DMD: variants seen among roughly 807,000 people sequenced by gnomAD.
DMD encodes dystrophin, also known as mutant dystrophin.
Under a neutral mutation model 330.1 loss-of-function variants are expected in DMD, and 63 were observed. That is an observed-to-expected ratio of 0.19 (90% CI 0.16 to 0.24). The LOEUF (loss-of-function observed/expected upper bound fraction) is 0.24. DMD is among the 10% of genes least tolerant of loss of function. The pLI is 1.00. For missense variants in DMD, 3,344 were observed against 2,684.1 expected, an observed-to-expected ratio of 1.25 and a Z score of -5.43; for synonymous variants, 1,223 against 959.8, an observed-to-expected ratio of 1.27 and a Z score of -5.07.
chrX:32,563,715 T>A (rs1310777240), intron 16 of DMD, among the ~76,000 whole-genome samples: 1 of 112,061 alleles, frequency 8.9e-6, no homozygotes, highest in African/African-American at 3.2e-5. Context: ...CGATGACATG[T>A]ACAAACTTCA....
chrX:31,569,678 A>ATATATACGTATATATACGTATATACG (rs2075708466), intron 55 of DMD, among the ~76,000 whole-genome samples: 1 of 97,238 alleles, frequency 1.0e-5, no homozygotes, highest in African/African-American at 3.9e-5. Context: ...ACGTATATAT[A>ATATATACGTATATATACGTATATACG]TATGCCAATT....
chrX:32,569,936 T>C (rs1219207436), intron 15 of DMD, among the ~76,000 whole-genome samples: 1 of 111,543 alleles, frequency 9.0e-6, no homozygotes, highest in Non-Finnish European at 1.9e-5. Flanking sequence ...ATAATTCACC[T>C]CATAAAAGCT....
At chrX:33,000,319 A>G (rs1189293551) in intron 2 of DMD, among the ~76,000 whole-genome samples, 1 of 111,765 alleles carries the variant, frequency 8.9e-6, no homozygotes, top group African/African-American at 3.3e-5. Context: ...ATCCTTCTCT[A>G]TTTTATGCAT....
At chrX:32,751,076 G>A (rs2070750102) in intron 7 of DMD, among the ~76,000 whole-genome samples, 1 of 111,381 alleles carries the variant, frequency 9.0e-6, no homozygotes, top group African/African-American at 3.3e-5. Context: ...CCATTCTCTG[G>A]CATGACTTTA....
intron 44 of DMD, among the ~76,000 whole-genome samples, chrX:32,028,985 T>C (rs1411275854): frequency 9.0e-6 from 1 of 111,713 alleles, no homozygotes; most frequent in Non-Finnish European, 1.9e-5. Flanking sequence ...AAGTCTATAA[T>C]AATATTAATG....
In DMD at chrX:32,697,907, G is replaced by A. The variant is rs145064612; in HGVS notation, c.923C>T (p.Thr308Ile). 334 of 1,207,837 alleles carry A rather than the reference G, an allele frequency of 2.8e-4. 2 individuals carry two copies. The South Asian group carries it at 5.6e-3, about 20-fold the overall frequency. Reference protein sequence around the residue: ...SYAYTQAAYVTTSDPTRSPFP... With the variant: ...SYAYTQAAYVITSDPTRSPFP... ...TGGGCTCCGTGTAGGGTCAGAGGTG[G>A]TGACATAAGCAGCCTGTGTGTAGGC... is the stretch of plus-strand genomic sequence containing the variant. Residue 308 changes from threonine to isoleucine, a missense_variant, in exon 9 of 79, where the codon ACC becomes ATC. Transcript: ENST00000357033.
At chrX:32,172,819 C>T (rs1189881959) in intron 44 of DMD, among the ~76,000 whole-genome samples, 1 of 111,405 alleles carries the variant, frequency 9.0e-6, no homozygotes, top group East Asian at 2.8e-4. Context: ...TTGAATTCAG[C>T]TGAAAATTTT....
chrX:31,726,036 G>A (rs1008679761), intron 52 of DMD, among the ~76,000 whole-genome samples: 7 of 111,638 alleles, frequency 6.3e-5, no homozygotes, highest in Non-Finnish European at 3.8e-5. Context: ...AAAATGGCCA[G>A]GAATGATTGA....
At chrX:32,039,811 T>A (rs1476386447) in intron 44 of DMD, among the ~76,000 whole-genome samples, 1 of 111,401 alleles carries the variant, frequency 9.0e-6, no homozygotes, top group African/African-American at 3.3e-5. Context: ...TCACTCCACC[T>A]CCCAAGCCTC....
chrX:31,289,695 T>C (rs775795465), intron 62 of DMD, among the ~76,000 whole-genome samples: 57 of 111,034 alleles, frequency 5.1e-4, no homozygotes, highest in Non-Finnish European at 9.4e-5. Context: ...TAATAAGTAT[T>C]GTTGACTATA....
At chrX:32,035,124 A>C (rs887458210) in intron 44 of DMD, among the ~76,000 whole-genome samples, 2 of 111,807 alleles carry the variant, frequency 1.8e-5, no homozygotes. Context: ...GAAGCACTTC[A>C]TCTTAAGACT....
At chrX:31,695,437 G>A (rs1438128610) in intron 52 of DMD, among the ~76,000 whole-genome samples, 1 of 110,796 alleles carries the variant, frequency 9.0e-6, no homozygotes. Flanking sequence ...TACATTGTTT[G>A]TAGCACAAAG....
intron 18 of DMD, among the ~76,000 whole-genome samples, chrX:32,511,400 T>TA (rs1238969036): frequency 3.7e-5 from 4 of 107,641 alleles, no homozygotes; most frequent in Admixed American, 1.0e-4. Context: ...CACGTGCCTG[T>TA]AGTCCCAGCT....
At chrX:32,349,149 T>A (rs946547326) in intron 37 of DMD, among the ~76,000 whole-genome samples, 2 of 111,729 alleles carry the variant, frequency 1.8e-5, no homozygotes, top group Admixed American at 1.9e-4. Context: ...TTCAACCTTG[T>A]AAACATCAGT....
chrX:31,121,903 A>G lies in DMD; in HGVS notation c.*16T>C. The stretch of plus-strand genomic sequence containing the variant: ...CATCGCTCTGCCCAAATCATCTGCC[A>G]TGTGGAAAAGACTTCCTACATTGTG... On this transcript the variant is annotated 3_prime_UTR_variant, in exon 79 of 79. Coordinates refer to ENST00000357033, the MANE Select transcript of DMD (RefSeq NM_004006.3). 8.3e-7 allele frequency: 1 copy of G among 1,207,955 alleles called. No individual in the cohort carries two copies. The highest frequency in any genetic ancestry group is 1.8e-5 in the South Asian group (1 of 56,912).
At chrX:31,483,112 T>A (rs760487835) in intron 57 of DMD, among the ~76,000 whole-genome samples, 1,309 of 95,574 alleles carry the variant, frequency 0.014, 29 homozygotes, top group African/African-American at 0.042. Flanking sequence ...AGTGGCGCAA[T>A]CTCGGCTCAC....
At chrX:32,782,593 T>C (rs747601424) in intron 7 of DMD, among the ~76,000 whole-genome samples, 16 of 111,532 alleles carry the variant, frequency 1.4e-4, no homozygotes, top group Non-Finnish European at 3.0e-4. Context: ...TAACTTGAAC[T>C]ATGGTGGTGG....
chrX:32,675,522 T>C (rs2061908802), intron 9 of DMD, among the ~76,000 whole-genome samples: 1 of 111,913 alleles, frequency 8.9e-6, no homozygotes, highest in African/African-American at 3.2e-5. Flanking sequence ...TAATTTGTCA[T>C]TATATTGCTT....
intron 54 of DMD, among the ~76,000 whole-genome samples, chrX:31,643,345 T>A (rs146981500): frequency 0.038 from 4,276 of 111,769 alleles, 189 homozygotes; most frequent in African/African-American, 0.13. Flanking sequence ...AGTTGATAAT[T>A]TATGTAAAAA....
Sources: gnomAD v4.1 joint callset for allele counts (sites outside exome capture counted in the v4.1 genomes callset) on GRCh38, gnomAD v4.1.1 for gene constraint, MANE v1.5 for transcripts, NCBI Gene and HGNC (gene_info 2026-07-23, HGNC 2026-07-21) for gene names.